Variants in SEMA6D observed in about 807,000 individuals in gnomAD.
SEMA6D encodes the protein semaphorin 6D.
SEMA6D carries 35 observed loss-of-function variants against 106.6 expected under a neutral mutation model. That is an observed-to-expected ratio of 0.33 (90% CI 0.25 to 0.44). SEMA6D has a LOEUF of 0.44. SEMA6D is among the 20% of genes least tolerant of loss of function. SEMA6D has a pLI of 1.00. For synonymous variants in SEMA6D, 499 were observed against 487.7 expected (o/e 1.02, Z -0.31); for missense variants, 1,185 against 1,345.9 (o/e 0.88, Z 1.87).
intron 1 of SEMA6D, among the ~76,000 whole-genome samples, chr15:47,371,891 A>C (rs890627703): frequency 1.3e-5 from 2 of 152,212 alleles, no homozygotes; most frequent in Non-Finnish European, 2.9e-5. Context: ...CAACCATGCA[A>C]TGACACAGCA....
chr15:47,653,332 A>G (rs745690382), intron 4 of SEMA6D, among the ~76,000 whole-genome samples: 1 of 152,250 alleles, frequency 6.6e-6, no homozygotes, highest in Non-Finnish European at 1.5e-5. Context: ...GGGAAATAAT[A>G]GAGACTCTTC....
At chr15:47,439,344 C>T (rs1443818050) in intron 2 of SEMA6D, among the ~76,000 whole-genome samples, 1 of 152,130 alleles carries the variant, frequency 6.6e-6, no homozygotes, top group Non-Finnish European at 1.5e-5. Context: ...CTTACAGTCT[C>T]CGTATTTATA....
At chr15:47,317,578 A>G (rs2036733105) in intron 1 of SEMA6D, among the ~76,000 whole-genome samples, 1 of 152,054 alleles carries the variant, frequency 6.6e-6, no homozygotes, top group African/African-American at 2.4e-5. Flanking sequence ...TTTTTGTTTA[A>G]GTTTTTATTT....
intron 3 of SEMA6D, among the ~76,000 whole-genome samples, chr15:47,572,779 T>A (rs1441671374): frequency 6.6e-6 from 1 of 152,198 alleles, no homozygotes; most frequent in Non-Finnish European, 1.5e-5. Flanking sequence ...TTATTATTTT[T>A]AAAAATAAAA....
At chr15:47,229,023 C>T (rs1181053838) in intron 1 of SEMA6D, among the ~76,000 whole-genome samples, 1 of 151,990 alleles carries the variant, frequency 6.6e-6, no homozygotes, top group East Asian at 1.9e-4. Flanking sequence ...TAATCCCAAA[C>T]TGTTACTTTA....
intron 4 of SEMA6D, among the ~76,000 whole-genome samples, chr15:47,688,479 C>A (rs537010904): frequency 1.2e-4 from 19 of 152,108 alleles, no homozygotes; most frequent in Non-Finnish European, 2.4e-4. Context: ...ATTCATTCAA[C>A]AATTATTATT....
chr15:47,245,030 G>GT (rs71425590), intron 1 of SEMA6D, among the ~76,000 whole-genome samples: 65,541 of 147,720 alleles, frequency 0.44, 16,085 homozygotes, highest in Non-Finnish European at 0.57. Flanking sequence ...ACATGATTTT[G>GT]TTTTTTTTTT....
rs553808467 is a variant in SEMA6D at position 47,429,983 on chromosome 15, A to G, written c.-159+17511A>G. 1.8e-3 allele frequency among the ~76,000 whole-genome samples: 281 copies of G among 152,222 alleles called. 2 individuals are homozygous for G. The highest frequency in any genetic ancestry group is 2.0e-3 in the Non-Finnish European group (133 of 67,998). On this transcript the variant is annotated intron_variant, in intron 2 of 19. Transcript: ENST00000558014. ...TATGTTGGTTTGGAGTTCATCCACTATAAGGCACCAATACAACTACATCTG... is the reference window on the plus strand; with the variant it reads ...TATGTTGGTTTGGAGTTCATCCACTGTAAGGCACCAATACAACTACATCTG...
rs1025305778 is a variant in SEMA6D, at chr15:47,453,424, G to T, written c.-158-17050G>T. On this transcript the variant is annotated intron_variant, in intron 2 of 19. Coordinates refer to the SEMA6D transcript ENST00000558014. ...ATCCATCCACAGTGAATCTGTAGAG[G>T]TTATGACAACAGCTATTAAAATGAT... Among the ~76,000 whole-genome samples the T allele has an allele frequency of 2.0e-5, 3 of 152,028 alleles. No homozygotes were observed. In the East Asian group the frequency reaches 5.8e-4, roughly 30 times the overall value.
At chr15:47,560,006 A>G (rs2046030513) in intron 3 of SEMA6D, among the ~76,000 whole-genome samples, 1 of 152,158 alleles carries the variant, frequency 6.6e-6, no homozygotes, top group East Asian at 1.9e-4. Context: ...CTGAGTAGGA[A>G]CATCAGCAGC....
intron 3 of SEMA6D, among the ~76,000 whole-genome samples, chr15:47,594,975 G>T (rs2076507853): frequency 6.6e-6 from 1 of 152,120 alleles, no homozygotes; most frequent in Non-Finnish European, 1.5e-5. Context: ...CTGAAGTGGT[G>T]TAGTGAATCC....
chr15:47,504,131 C>A (rs1381728569), intron 3 of SEMA6D, among the ~76,000 whole-genome samples: 1 of 152,196 alleles, frequency 6.6e-6, no homozygotes, highest in Non-Finnish European at 1.5e-5. Context: ...TGGTACATTG[C>A]CAGGCAGCAT....
intron 1 of SEMA6D, among the ~76,000 whole-genome samples, chr15:47,741,342 C>G (rs1287717431): frequency 2.6e-5 from 4 of 152,172 alleles, no homozygotes; most frequent in South Asian, 4.1e-4. Context: ...AGCATGCAAC[C>G]CTGGCTTGTT....
Position 47,271,243 on chromosome 15 carries a change from A to G in SEMA6D, c.-239+86825A>G, listed in dbSNP as rs562354778. On this transcript the variant is annotated intron_variant, in intron 1 of 19. Transcript: ENST00000558014. ...GGCTGTTACAATAGGGAAAACATTA[A>G]TTAATGAGAAACATTTCAAAGAAAA... Among the ~76,000 whole-genome samples, 3 of 152,326 alleles carry G rather than the reference A, an allele frequency of 2.0e-5. No homozygotes were observed. The South Asian group carries it at 6.2e-4, about 32-fold the overall frequency.
chr15:47,438,525 C>T (rs2041790615), intron 2 of SEMA6D, among the ~76,000 whole-genome samples: 1 of 152,072 alleles, frequency 6.6e-6, no homozygotes, highest in Non-Finnish European at 1.5e-5. Flanking sequence ...CCCCTAAAAT[C>T]TCCCACCCCC....
Position 47,607,718 on chromosome 15 carries a change from A to G in SEMA6D, c.-55+6822A>G, listed in dbSNP as rs1036969183. On this transcript the variant is annotated intron_variant, in intron 4 of 19. Transcript: ENST00000558014. ...TTCTTATGAGAAGCTGTTTTGGAGA[A>G]CCATGAAATATGGGCTTGTAGCCCA... Among the ~76,000 whole-genome samples the G allele has an allele frequency of 3.3e-5, 5 of 152,356 alleles. No homozygotes were observed. The East Asian group carries it at 7.7e-4, about 24-fold the overall frequency.
chr15:47,615,806 A>G (rs1386507743), intron 4 of SEMA6D, among the ~76,000 whole-genome samples: 1 of 152,270 alleles, frequency 6.6e-6, no homozygotes, highest in Admixed American at 6.5e-5. Flanking sequence ...AAGCATTTGC[A>G]TTAATAAAGC....
chr15:47,768,318 A>G (rs1361107619), intron 17 of SEMA6D, among the ~76,000 whole-genome samples: 1 of 152,204 alleles, frequency 6.6e-6, no homozygotes. Context: ...GAGTGTCATT[A>G]GTAACCACAG....
intron 4 of SEMA6D, among the ~76,000 whole-genome samples, chr15:47,616,265 G>A (rs1333162459): frequency 6.6e-6 from 1 of 152,014 alleles, no homozygotes; most frequent in Non-Finnish European, 1.5e-5. Context: ...CACCTCACAG[G>A]TTCAAGTGAT....
Sources: allele counts gnomAD v4.1 joint callset (sites outside exome capture counted in the v4.1 genomes callset), GRCh38; gene constraint gnomAD v4.1.1; transcripts MANE v1.5; gene names NCBI Gene and HGNC (gene_info 2026-07-23, HGNC 2026-07-21).